CDKAL1: variants seen among roughly 807,000 people sequenced by gnomAD.
CDKAL1 encodes CDKAL1 threonylcarbamoyladenosine tRNA methylthiotransferase.
A neutral mutation model predicts 68.2 loss-of-function variants in CDKAL1; 32 were observed. The ratio of observed to expected loss-of-function variants is 0.47; its 90% confidence interval spans 0.35 to 0.63. The LOEUF (loss-of-function observed/expected upper bound fraction) is 0.63, where lower values mean the gene tolerates loss of function less well. CDKAL1 is among the 30% of genes least tolerant of loss of function. CDKAL1 has a pLI of 0.00. For missense variants in CDKAL1, 606 were observed against 696.7 expected (o/e 0.87, Z 1.47); for synonymous variants, 234 against 244.3 (o/e 0.96, Z 0.39).
intron 4 of CDKAL1, among the ~76,000 whole-genome samples, chr6:20,629,705 G>T (rs2127740528): frequency 6.6e-6 from 1 of 152,098 alleles, no homozygotes; most frequent in East Asian, 1.9e-4. Context: ...AGGCCAGGCT[G>T]CCTTGTCATG....
At chr6:20,989,234 C>CA (rs1271588472) in intron 10 of CDKAL1, among the ~76,000 whole-genome samples, 1 of 152,164 alleles carries the variant, frequency 6.6e-6, no homozygotes, top group African/African-American at 2.4e-5. Context: ...GCTTCATTGA[C>CA]AAACAAGGCA....
rs1260024753 is a variant in CDKAL1 at position 21,166,143 on chromosome 6, G to GTT, written c.1300-31877_1300-31876dup. ...AGAATTAGCATTCATATTGTTAGGA[G>GTT]TTGACCTGATAATTAAATTGGGAAG... is the stretch of plus-strand genomic sequence containing the variant. On this transcript the variant is annotated intron_variant, in intron 13 of 15. Coordinates refer to ENST00000274695, the MANE Select transcript of CDKAL1 (RefSeq NM_017774.3). Among the ~76,000 whole-genome samples, 13 of 152,292 alleles carry GTT rather than the reference G, an allele frequency of 8.5e-5. No homozygotes were observed. The East Asian group carries it at 2.1e-3, about 25-fold the overall frequency.
intron 4 of CDKAL1, among the ~76,000 whole-genome samples, chr6:20,558,219 T>C (rs1027572116): frequency 3.3e-5 from 5 of 152,284 alleles, no homozygotes; most frequent in African/African-American, 1.2e-4. Context: ...GAAGTACCAG[T>C]TGTGGCAGGG....
At chr6:21,023,910 C>T (rs1464954427) in intron 11 of CDKAL1, among the ~76,000 whole-genome samples, 1 of 152,116 alleles carries the variant, frequency 6.6e-6, no homozygotes, top group East Asian at 1.9e-4. Context: ...GGGAAAGGAA[C>T]ATTACAGTTG....
intron 12 of CDKAL1, among the ~76,000 whole-genome samples, chr6:21,085,032 A>G (rs909622575): frequency 6.6e-6 from 1 of 152,208 alleles, no homozygotes; most frequent in Non-Finnish European, 1.5e-5. Context: ...GGTACCTGAA[A>G]TCCTATCCTA....
chr6:20,865,206 A>C (rs1001031211), intron 9 of CDKAL1, among the ~76,000 whole-genome samples: 1 of 152,196 alleles, frequency 6.6e-6, no homozygotes, highest in Non-Finnish European at 1.5e-5. Context: ...TGGCCTCTGC[A>C]CTTTGCACTA....
chr6:21,156,424 C>CA (rs372631710), intron 13 of CDKAL1, among the ~76,000 whole-genome samples: 3,508 of 84,918 alleles, frequency 0.041, 139 homozygotes, highest in East Asian at 0.065. Flanking sequence ...ACCCTGTCTC[C>CA]AAAAAAAAAA....
chr6:20,556,562 T>G (rs1764050770), intron 4 of CDKAL1, among the ~76,000 whole-genome samples: 1 of 152,190 alleles, frequency 6.6e-6, no homozygotes, highest in Non-Finnish European at 1.5e-5. Flanking sequence ...AACTTATACT[T>G]TCTACACATA....
chr6:20,860,329 T>G (rs1386781315), intron 9 of CDKAL1, among the ~76,000 whole-genome samples: 1 of 152,200 alleles, frequency 6.6e-6, no homozygotes, highest in Non-Finnish European at 1.5e-5. Flanking sequence ...TCCGCCTGCC[T>G]CAGCCTCCCA....
intron 6 of CDKAL1, among the ~76,000 whole-genome samples, chr6:20,746,495 G>A (rs1773669578): frequency 6.6e-6 from 1 of 152,162 alleles, no homozygotes; most frequent in African/African-American, 2.4e-5. Context: ...CATTAAGCTA[G>A]CTTAGTGACT....
intron 4 of CDKAL1, chr6:20,599,355 A>G (rs912183634): frequency 1.1e-5 from 5 of 453,106 alleles, no homozygotes; most frequent in South Asian, 7.8e-5. Flanking sequence ...ATTTAATTAC[A>G]TGTCTCTCTC....
intron 13 of CDKAL1, among the ~76,000 whole-genome samples, chr6:21,191,484 C>T (rs1778234845): frequency 6.6e-6 from 1 of 152,226 alleles, no homozygotes; most frequent in South Asian, 2.1e-4. Flanking sequence ...AGACGTTTCT[C>T]TGCTCAAGGA....
chr6:20,740,968 A>G (rs187317011), intron 6 of CDKAL1, among the ~76,000 whole-genome samples: 55 of 152,238 alleles, frequency 3.6e-4, no homozygotes, highest in African/African-American at 1.2e-3. Flanking sequence ...TTTTTTAGAG[A>G]TGGAATGTGG....
intron 13 of CDKAL1, among the ~76,000 whole-genome samples, chr6:21,183,340 G>T (rs1010561075): frequency 1.3e-5 from 2 of 152,162 alleles, no homozygotes; most frequent in African/African-American, 4.8e-5. Flanking sequence ...CCTCCAGAGG[G>T]CTGGCAGTAC....
chr6:20,638,667 A>G (rs751728756), intron 4 of CDKAL1, among the ~76,000 whole-genome samples: 5 of 148,844 alleles, frequency 3.4e-5, no homozygotes, highest in Admixed American at 6.8e-5. Flanking sequence ...GCTGGAGTGC[A>G]GTGGCGCGAT....
intron 15 of CDKAL1, among the ~76,000 whole-genome samples, chr6:21,222,194 C>T (rs147614202): frequency 6.2e-4 from 95 of 152,198 alleles, no homozygotes; most frequent in African/African-American, 2.2e-3. Context: ...TTAGACAGTT[C>T]GCATGTGTAT....
At chr6:20,810,397 C>G (rs1776751908) in intron 8 of CDKAL1, among the ~76,000 whole-genome samples, 11 of 2,168 alleles carry the variant, frequency 5.1e-3, no homozygotes, top group East Asian at 0.038. Context: ...CTCTGTCACA[C>G]ACACACACAC....
At position 21,069,804 on chromosome 6, in the gene CDKAL1, T is replaced by TTTTTTA. The variant is rs60342057; in HGVS notation, c.1236+4576_1236+4577insTTTTTA. ...TTTTTTTTTTTTTTTTTTTTTTTTTTAAAACAGAGCCTTGCTCTGTCACCC... is the reference window on the plus strand; with the variant it reads ...TTTTTTTTTTTTTTTTTTTTTTTTTTTTTTTAAAAACAGAGCCTTGCTCTGTCACCC... On this transcript the variant is annotated intron_variant, in intron 12 of 15. Coordinates refer to ENST00000274695, the MANE Select transcript of CDKAL1 (RefSeq NM_017774.3). Among the ~76,000 whole-genome samples, 135 of 85,500 alleles carry TTTTTTA rather than the reference T, an allele frequency of 1.6e-3. 6 individuals carry two copies. The highest frequency in any genetic ancestry group is 2.6e-3 in the South Asian group (6 of 2,280). The allele number at this position is 85,500 out of a possible 152,430, so 56.1% of individuals were successfully genotyped here.
chr6:20,745,886 T>C (rs1773645756), intron 6 of CDKAL1, among the ~76,000 whole-genome samples: 2 of 152,366 alleles, frequency 1.3e-5, no homozygotes, highest in South Asian at 4.1e-4. Flanking sequence ...ACATCTCTAA[T>C]GTGTATTTGT....
Sources: allele counts gnomAD v4.1 joint callset (sites outside exome capture counted in the v4.1 genomes callset), GRCh38; gene constraint gnomAD v4.1.1; transcripts MANE v1.5; gene names NCBI Gene and HGNC (gene_info 2026-07-23, HGNC 2026-07-21).